The following AGBL4 variants were observed in gnomAD, a reference collection of about 807,000 sequenced individuals.
The protein encoded by AGBL4 is AGBL carboxypeptidase 4.
In AGBL4, 58 loss-of-function variants were observed where a neutral mutation model predicts 66.4. The ratio of observed to expected loss-of-function variants is 0.87; its 90% CI spans 0.71 to 1.09. AGBL4 has a LOEUF of 1.09. Ranked by LOEUF, AGBL4 falls within the 50% of genes least tolerant of loss-of-function variation. AGBL4 has a pLI of 0.00. For missense variants in AGBL4, 579 were observed against 631.0 expected (o/e 0.92, Z 0.88); for synonymous variants, 234 against 222.9 (o/e 1.05, Z -0.44).
At chr1:49,095,104 A>T (rs1329839143) in intron 4 of AGBL4, among the ~76,000 whole-genome samples, 1 of 152,228 alleles carries the variant, frequency 6.6e-6, no homozygotes, top group Non-Finnish European at 1.5e-5. Flanking sequence ...AGAGAATAAA[A>T]TATCTAGGAA....
chr1:48,817,854 A>G (rs942009117), intron 6 of AGBL4: 2 of 599,532 alleles, frequency 3.3e-6, no homozygotes, highest in Admixed American at 6.0e-5. Flanking sequence ...ACCCCTTCCC[A>G]GTGTGTGTTT....
At chr1:48,743,562 C>T (rs1331964350) in intron 6 of AGBL4, among the ~76,000 whole-genome samples, 7 of 152,174 alleles carry the variant, frequency 4.6e-5, no homozygotes. Flanking sequence ...AGAACAACTT[C>T]AAAGGCCCAC....
At chr1:48,937,353 T>C (rs1360973128) in intron 5 of AGBL4, among the ~76,000 whole-genome samples, 2 of 152,216 alleles carry the variant, frequency 1.3e-5, no homozygotes, top group African/African-American at 4.8e-5. Flanking sequence ...CTCCACTGGA[T>C]GGCTTTGTAG....
intron 5 of AGBL4, among the ~76,000 whole-genome samples, chr1:48,997,706 T>C (rs1007391177): frequency 1.3e-5 from 2 of 152,192 alleles, no homozygotes; most frequent in Non-Finnish European, 2.9e-5. Flanking sequence ...GTCTAAAATT[T>C]CTTACCCATA....
At chr1:49,691,962 G>A (rs1010339602) in intron 3 of AGBL4, among the ~76,000 whole-genome samples, 2 of 152,050 alleles carry the variant, frequency 1.3e-5, no homozygotes, top group Non-Finnish European at 2.9e-5. Context: ...TTGTGATCAT[G>A]TGAGTTAATA....
At chr1:48,547,029 C>T (rs991848171) in intron 11 of AGBL4, among the ~76,000 whole-genome samples, 8 of 151,858 alleles carry the variant, frequency 5.3e-5, no homozygotes, top group Non-Finnish European at 1.2e-4. Flanking sequence ...GCAGCGGTAC[C>T]TAAGAAGAGG....
intron 4 of AGBL4, among the ~76,000 whole-genome samples, chr1:49,154,057 T>C (rs1306018403): frequency 6.6e-6 from 1 of 152,052 alleles, no homozygotes; most frequent in Non-Finnish European, 1.5e-5. Context: ...CTCTTTCCAC[T>C]ACAATAGTGG....
At chr1:49,060,784 C>A (rs1644389259) in intron 4 of AGBL4, among the ~76,000 whole-genome samples, 2 of 152,138 alleles carry the variant, frequency 1.3e-5, no homozygotes, top group African/African-American at 4.8e-5. Context: ...GGACCCCTGT[C>A]CTCCCTCCAC....
At chr1:49,899,548 A>T (rs921277966) in intron 1 of AGBL4, among the ~76,000 whole-genome samples, 19 of 151,692 alleles carry the variant, frequency 1.3e-4, no homozygotes, top group Non-Finnish European at 1.9e-4. Flanking sequence ...CTTCTGGGCC[A>T]CTTACTATGT....
At chr1:49,200,577 A>C (rs1647610575) in intron 4 of AGBL4, among the ~76,000 whole-genome samples, 1 of 152,218 alleles carries the variant, frequency 6.6e-6, no homozygotes, top group Non-Finnish European at 1.5e-5. Context: ...CTATAAACCA[A>C]GGTTCCTATA....
At chr1:48,665,237 G>A (rs114982304) in intron 6 of AGBL4, among the ~76,000 whole-genome samples, 2 of 152,270 alleles carry the variant, frequency 1.3e-5, no homozygotes, top group Non-Finnish European at 2.9e-5. Flanking sequence ...GGGAGAGACA[G>A]AAGGCTCACC....
At chr1:49,031,983 A>C (rs1664266759) in intron 5 of AGBL4, among the ~76,000 whole-genome samples, 1 of 152,178 alleles carries the variant, frequency 6.6e-6, no homozygotes, top group Non-Finnish European at 1.5e-5. Context: ...TTCCATGAAG[A>C]AAAAAATGTT....
intron 3 of AGBL4, among the ~76,000 whole-genome samples, chr1:49,303,289 C>T (rs115572498): frequency 0.011 from 1,676 of 152,148 alleles, 25 homozygotes; most frequent in African/African-American, 0.039. Flanking sequence ...AGTGTAAAAG[C>T]ATTTATAGTT....
intron 3 of AGBL4, among the ~76,000 whole-genome samples, chr1:49,288,202 TG>T (rs1388468117): frequency 9.2e-6 from 1 of 108,872 alleles, no homozygotes; most frequent in African/African-American, 3.7e-5. Context: ...TATCACACTC[TG>T]GGGACTGTGG....
chr1:48,794,237 C>T (rs546664613), intron 6 of AGBL4, among the ~76,000 whole-genome samples: 3 of 152,306 alleles, frequency 2.0e-5, no homozygotes, highest in Non-Finnish European at 4.4e-5. Context: ...ATTTGGTATT[C>T]AAGGAGCACC....
At chr1:49,253,178 C>A (rs1652206241) in intron 3 of AGBL4, among the ~76,000 whole-genome samples, 3 of 152,128 alleles carry the variant, frequency 2.0e-5, no homozygotes, top group Admixed American at 2.0e-4. Context: ...CAAGCAATAA[C>A]ACACATAGGC....
In AGBL4 at chr1:49,555,886, C is replaced by T. The variant is rs12031653; in HGVS notation, c.282+141427G>A. ...TTAAAAAGTCAGGAAACAACAGGTG[C>T]TGGAGAGGATGTGGAGAAATAGGAA... On this transcript the variant is annotated intron_variant, in intron 3 of 13. Coordinates refer to ENST00000371839, the MANE Select transcript of AGBL4 (RefSeq NM_032785.4). Among the ~76,000 whole-genome samples the T allele has an allele frequency of 3.5e-4, 54 of 152,162 alleles. 1 individual carries two copies. The highest frequency in any genetic ancestry group is 6.9e-4 in the Non-Finnish European group (47 of 68,004).
chr1:49,413,229 A>C (rs923524898), intron 3 of AGBL4, among the ~76,000 whole-genome samples: 1 of 152,200 alleles, frequency 6.6e-6, no homozygotes, highest in Non-Finnish European at 1.5e-5. Flanking sequence ...GTAAGTAATC[A>C]ACACTTCATA....
intron 1 of AGBL4, among the ~76,000 whole-genome samples, chr1:49,998,016 T>C (rs917567592): frequency 2.0e-5 from 3 of 151,528 alleles, no homozygotes; most frequent in Non-Finnish European, 4.4e-5. Flanking sequence ...AAATAGATAA[T>C]CTAAGGTCAC....
Sources: gnomAD v4.1 joint callset for allele counts (sites outside exome capture counted in the v4.1 genomes callset) on GRCh38, gnomAD v4.1.1 for gene constraint, MANE v1.5 for transcripts, NCBI Gene and HGNC (gene_info 2026-07-23, HGNC 2026-07-21) for gene names.